MTCL1: variants seen among roughly 807,000 people sequenced by gnomAD.
The protein encoded by MTCL1 is microtubule cross-linking factor 1.
A neutral mutation model predicts 141.4 loss-of-function variants in MTCL1; 79 were observed. The observed-to-expected ratio is 0.56, with a 90% confidence interval of 0.47 to 0.67. The LOEUF (loss-of-function observed/expected upper bound fraction) is 0.67. Ranked by LOEUF, MTCL1 falls within the 30% of genes least tolerant of loss-of-function variation. The pLI is 0.00. For synonymous variants in MTCL1, 914 were observed against 875.8 expected (o/e 1.04, Z -0.77); for missense variants, 2,177 against 2,113.9 (o/e 1.03, Z -0.59).
intron 4 of MTCL1, among the ~76,000 whole-genome samples, chr18:8,736,207 A>T (rs944158000): frequency 8.5e-5 from 13 of 152,182 alleles, no homozygotes; most frequent in African/African-American, 3.1e-4. Context: ...CATGCCATAG[A>T]TCATAACATG....
At chr18:8,801,994 T>C (rs2144013941) in intron 10 of MTCL1, 1 of 152,364 alleles carries the variant, frequency 6.6e-6, no homozygotes, top group East Asian at 1.9e-4. Context: ...GCCCATTCTC[T>C]GTAGGGGATA....
chr18:8,774,456 T>G (rs1163839960), intron 4 of MTCL1, among the ~76,000 whole-genome samples: 3 of 151,986 alleles, frequency 2.0e-5, no homozygotes, highest in African/African-American at 7.3e-5. Flanking sequence ...TTTCTTTCTT[T>G]TCTTTCTTTT....
upstream of MTCL1, among the ~76,000 whole-genome samples, chr18:8,712,797 G>C (rs985770065): frequency 6.6e-6 from 1 of 152,114 alleles, no homozygotes; most frequent in Non-Finnish European, 1.5e-5. Context: ...TGGATTATTC[G>C]TATGTTACAA....
chr18:8,788,396 T>C (rs779494936), intron 7 of MTCL1, among the ~76,000 whole-genome samples: 3 of 152,174 alleles, frequency 2.0e-5, no homozygotes, highest in Non-Finnish European at 4.4e-5. Context: ...ATCAGCGACA[T>C]CAAAGAAGAA....
intron 4 of MTCL1, among the ~76,000 whole-genome samples, chr18:8,737,243 T>C (rs1390535859): frequency 2.6e-5 from 4 of 152,256 alleles, no homozygotes; most frequent in African/African-American, 9.6e-5. Context: ...GAGTAGCTGA[T>C]GTTCATGATA....
intron 4 of MTCL1, among the ~76,000 whole-genome samples, chr18:8,752,599 T>C (rs1471254367): frequency 1.3e-5 from 2 of 152,354 alleles, no homozygotes; most frequent in Admixed American, 6.5e-5. Flanking sequence ...ACAGAGTATT[T>C]CCAAGGTTCT....
At chr18:8,805,503 C>A (rs948526037) in intron 10 of MTCL1, among the ~76,000 whole-genome samples, 3 of 152,126 alleles carry the variant, frequency 2.0e-5, no homozygotes, top group Non-Finnish European at 2.9e-5. Flanking sequence ...ATCTTAAATT[C>A]CTCCCATATA....
intron 7 of MTCL1, among the ~76,000 whole-genome samples, chr18:8,791,925 T>C (rs1219634645): frequency 1.3e-5 from 2 of 152,228 alleles, no homozygotes; most frequent in African/African-American, 4.8e-5. Flanking sequence ...TCCGTTCTTC[T>C]TTCCTTAATA....
At chr18:8,798,461 C>T (rs1324809315) in intron 10 of MTCL1, among the ~76,000 whole-genome samples, 170 bp downstream of exon 9, 2 of 152,148 alleles carry the variant, frequency 1.3e-5, no homozygotes, top group East Asian at 1.9e-4. Flanking sequence ...TCCTAGAAAT[C>T]ACCTCATCAA....
chr18:8,817,650 AT>A (rs1311233978), intron 12 of MTCL1, among the ~76,000 whole-genome samples: 2 of 152,214 alleles, frequency 1.3e-5, no homozygotes, highest in Non-Finnish European at 2.9e-5. Context: ...TTAAAAAAAA[AT>A]GAATTGATCT....
At chr18:8,753,148 C>T (rs1394610241) in intron 4 of MTCL1, among the ~76,000 whole-genome samples, 1 of 152,198 alleles carries the variant, frequency 6.6e-6, no homozygotes, top group East Asian at 1.9e-4. Flanking sequence ...ACATTCATAC[C>T]TGGACCCAGG....
intron 4 of MTCL1, among the ~76,000 whole-genome samples, chr18:8,728,194 A>C (rs2148850838): frequency 6.6e-6 from 1 of 152,278 alleles, no homozygotes; most frequent in Non-Finnish European, 1.5e-5. Flanking sequence ...GTTTAGATTA[A>C]TTTACAGTTA....
chr18:8,744,175 T>G (rs2096321599), intron 4 of MTCL1, among the ~76,000 whole-genome samples: 1 of 152,254 alleles, frequency 6.6e-6, no homozygotes, highest in Non-Finnish European at 1.5e-5. Flanking sequence ...CAGCTGTGAC[T>G]GGCAGCTGCC....
At chr18:8,776,749 A>G (rs1235031158) in intron 4 of MTCL1, among the ~76,000 whole-genome samples, 2 of 150,356 alleles carry the variant, frequency 1.3e-5, no homozygotes, top group Non-Finnish European at 3.0e-5. Flanking sequence ...TTATTTATTT[A>G]TTTATTTATT....
chr18:8,808,902 A>G (rs968364542), intron 11 of MTCL1, among the ~76,000 whole-genome samples: 3 of 152,236 alleles, frequency 2.0e-5, no homozygotes, highest in African/African-American at 7.2e-5. Context: ...CTGTCAGGGA[A>G]CAGGAACGTG....
intron 14 of MTCL1, among the ~76,000 whole-genome samples, chr18:8,823,726 A>G (rs914154129): frequency 3.3e-5 from 5 of 152,234 alleles, no homozygotes; most frequent in Non-Finnish European, 5.9e-5. Context: ...GACCACATGG[A>G]CGGGTGCCTT....
chr18:8,812,943 CAG>C (rs2076535137), intron 11 of MTCL1, 34 bp from the exon 11 acceptor site: 9 of 1,583,912 alleles, frequency 5.7e-6, no homozygotes, highest in East Asian at 2.3e-5. Flanking sequence ...CAAGACTTGT[CAG>C]AGAGGGAATT....
intron 13 of MTCL1, among the ~76,000 whole-genome samples, chr18:8,820,392 A>T (rs1312010887): frequency 1.3e-5 from 2 of 152,166 alleles, no homozygotes; most frequent in Admixed American, 1.3e-4. Flanking sequence ...CCTGGGCGAC[A>T]GAGCAAGACT....
At chr18:8,784,228 A>C (rs762204761) in exon 6 of MTCL1, 1 of 1,610,500 alleles carries the variant, frequency 6.2e-7, no homozygotes, top group Non-Finnish European at 8.5e-7. Flanking sequence ...GCGACCTGGC[A>C]GCCCACCTGG....
Sources: gnomAD v4.1 joint callset for allele counts (sites outside exome capture counted in the v4.1 genomes callset) on GRCh38, gnomAD v4.1.1 for gene constraint, MANE v1.5 for transcripts, NCBI Gene and HGNC (gene_info 2026-07-23, HGNC 2026-07-21) for gene names.